KCNIP4: variants seen among roughly 807,000 people sequenced by gnomAD.
KCNIP4 encodes Kv channel-interacting protein 4.
A neutral mutation model predicts 34.0 loss-of-function variants in KCNIP4; 12 were observed. The ratio of observed to expected loss-of-function variants is 0.35; its 90% CI spans 0.23 to 0.57. The LOEUF (loss-of-function observed/expected upper bound fraction) is 0.57. Ranked by LOEUF, KCNIP4 falls within the 20% of genes least tolerant of loss-of-function variation. The pLI is 0.83. For synonymous variants in KCNIP4, 124 were observed against 102.2 expected (o/e 1.21, Z -1.29); for missense variants, 238 against 311.7 (o/e 0.76, Z 1.78).
intron 1 of KCNIP4, among the ~76,000 whole-genome samples, chr4:21,446,270 C>T (rs1293324222): frequency 6.6e-6 from 1 of 152,114 alleles, no homozygotes; most frequent in Non-Finnish European, 1.5e-5. Context: ...CATCCCATTA[C>T]TGGGTATATA....
At chr4:21,334,291 G>A (rs994275058) in intron 1 of KCNIP4, among the ~76,000 whole-genome samples, 2 of 151,918 alleles carry the variant, frequency 1.3e-5, no homozygotes, top group African/African-American at 4.8e-5. Context: ...AGGGTGAAAT[G>A]ATTAAAATGC....
intron 1 of KCNIP4, chr4:21,844,667 T>G (rs1001276273): frequency 6.6e-6 from 1 of 152,074 alleles, no homozygotes; most frequent in Non-Finnish European, 1.5e-5. Flanking sequence ...GTTTTCAGAA[T>G]TTACATGGGT....
Position 21,756,410 on chromosome 4 carries a change from C to T in KCNIP4, c.61+192161G>A, listed in dbSNP as rs140141076. ...GTCTACTAAAAATACAAAAATTATC[C>T]GGGTATGGTGGTGTGTGCCTGTAAT... On this transcript the variant is annotated intron_variant, in intron 1 of 8. Transcript: ENST00000382152. Among the ~76,000 whole-genome samples, 1,489 of 151,998 alleles carry T rather than the reference C, an allele frequency of 9.8e-3. 15 individuals carry two copies. Among genetic ancestry groups the T allele is most frequent in the Non-Finnish European group, 0.013 (860 of 67,970 alleles).
intron 1 of KCNIP4, among the ~76,000 whole-genome samples, chr4:21,558,378 G>A (rs1739244541): frequency 6.6e-6 from 1 of 151,942 alleles, no homozygotes; most frequent in Admixed American, 6.6e-5. Context: ...TATAATCCCA[G>A]CTACTCAGGA....
intron 1 of KCNIP4, among the ~76,000 whole-genome samples, chr4:21,377,056 A>C (rs1437846818): frequency 6.6e-6 from 1 of 152,120 alleles, no homozygotes; most frequent in Non-Finnish European, 1.5e-5. Context: ...AAATTAGAAA[A>C]ATCATTTGCA....
chr4:21,747,877 T>C (rs1306552473), intron 1 of KCNIP4, among the ~76,000 whole-genome samples: 3 of 151,778 alleles, frequency 2.0e-5, no homozygotes, highest in Admixed American at 6.6e-5. Context: ...CTAAATGCAA[T>C]GAAAGTGTTT....
chr4:21,303,968 T>C, intron 1 of KCNIP4: 2 of 1,599,006 alleles, frequency 1.3e-6, no homozygotes, highest in Non-Finnish European at 1.7e-6. Context: ...TGGCTTTCTT[T>C]GTAAAGCCAT....
chr4:21,881,830 C>T (rs1174022262), intron 1 of KCNIP4, among the ~76,000 whole-genome samples: 1 of 152,122 alleles, frequency 6.6e-6, no homozygotes, highest in Non-Finnish European at 1.5e-5. Context: ...TTGACCCAAA[C>T]TTAGCTCAAT....
intron 1 of KCNIP4, among the ~76,000 whole-genome samples, chr4:21,737,870 G>A (rs913015300): frequency 6.6e-6 from 1 of 151,908 alleles, no homozygotes; most frequent in African/African-American, 2.4e-5. Flanking sequence ...AGATCATAAG[G>A]TCAGGAGATC....
At chr4:21,574,458 A>G (rs997351563) in intron 1 of KCNIP4, among the ~76,000 whole-genome samples, 8 of 152,078 alleles carry the variant, frequency 5.3e-5, no homozygotes, top group Non-Finnish European at 8.8e-5. Context: ...AATGTTTCCA[A>G]GCTATTTGAA....
chr4:20,737,254 C>T (rs1198699221), intron 5 of KCNIP4, among the ~76,000 whole-genome samples: 1 of 151,742 alleles, frequency 6.6e-6, no homozygotes, highest in Non-Finnish European at 1.5e-5. Flanking sequence ...AGAAGTGAGT[C>T]AGGAGAACAG....
At chr4:21,838,827 C>T (rs1378825942) in intron 1 of KCNIP4, among the ~76,000 whole-genome samples, 1 of 152,114 alleles carries the variant, frequency 6.6e-6, no homozygotes, top group African/African-American at 2.4e-5. Context: ...ATTTTCTGCC[C>T]ATATTATATC....
In KCNIP4 at chr4:21,528,772, AAAGAAAGGAAGAAAGG is replaced by A. The variant is rs1560490167; in HGVS notation, c.61+419783_61+419798del. Among the ~76,000 whole-genome samples, 113 of 11,314 alleles carry A rather than the reference AAAGAAAGGAAGAAAGG, an allele frequency of 1.0e-2. 30 individuals are homozygous for A. Among genetic ancestry groups the A allele is most frequent in the Non-Finnish European group, 0.013 (78 of 5,820 alleles). 7.4% of individuals were successfully genotyped at this position (11,314 alleles called of 152,430 possible). On this transcript the variant is annotated intron_variant, in intron 1 of 8. Transcript: ENST00000382152. ...GAAAGAAAGAAAGAAAGAAAGAAAG[AAAGAAAGGAAGAAAGG>A]AAGAAAGGAAGAAAGGAAGGAAGGA...
intron 1 of KCNIP4, among the ~76,000 whole-genome samples, chr4:20,950,626 CTTTTCCCCCTTTGT>C (rs1214435612): frequency 3.9e-5 from 6 of 151,958 alleles, no homozygotes; most frequent in African/African-American, 1.4e-4. Flanking sequence ...CCATTAAAGG[CTTTTCCCCCTTTGT>C]AGGTTCACAA....
chr4:21,175,012 C>T (rs1247508759), intron 1 of KCNIP4, among the ~76,000 whole-genome samples: 1 of 151,680 alleles, frequency 6.6e-6, no homozygotes, highest in Non-Finnish European at 1.5e-5. Context: ...AAGGACACTG[C>T]ATTGATGAGT....
intron 1 of KCNIP4, among the ~76,000 whole-genome samples, chr4:21,648,205 A>G (rs1239423942): frequency 1.3e-5 from 2 of 151,930 alleles, no homozygotes; most frequent in Non-Finnish European, 1.5e-5. Context: ...AGATGAATAC[A>G]CTGATGTCCT....
intron 1 of KCNIP4, among the ~76,000 whole-genome samples, chr4:21,940,555 C>G (rs932493076): frequency 6.6e-6 from 1 of 152,128 alleles, no homozygotes; most frequent in Non-Finnish European, 1.5e-5. Context: ...GAAGTAGACT[C>G]TATGTCTCAG....
At chr4:21,945,022 G>A (rs749528031) in intron 1 of KCNIP4, among the ~76,000 whole-genome samples, 4 of 151,964 alleles carry the variant, frequency 2.6e-5, no homozygotes, top group East Asian at 1.9e-4. Context: ...TGAAATAGTC[G>A]CTAAGAAGAG....
At chr4:21,229,173 A>T (rs1758622844) in intron 1 of KCNIP4, among the ~76,000 whole-genome samples, 1 of 152,236 alleles carries the variant, frequency 6.6e-6, no homozygotes, top group Non-Finnish European at 1.5e-5. Context: ...ATCATTTCCC[A>T]GTGCCCTGAC....
Sources: gnomAD v4.1 joint callset for allele counts (sites outside exome capture counted in the v4.1 genomes callset) on GRCh38, gnomAD v4.1.1 for gene constraint, MANE v1.5 for transcripts, NCBI Gene and HGNC (gene_info 2026-07-23, HGNC 2026-07-21) for gene names.